The following CHCHD6 variants were observed in gnomAD, a reference collection of about 807,000 sequenced individuals.
CHCHD6 encodes the protein MICOS complex subunit MIC25.
In CHCHD6, 28 loss-of-function variants were observed where a neutral mutation model predicts 32.3. That is an observed-to-expected ratio of 0.87 (90% CI 0.64 to 1.19). The LOEUF (loss-of-function observed/expected upper bound fraction) is 1.19. Ranked by LOEUF, CHCHD6 falls within the 50% of genes most tolerant of loss-of-function variation. The pLI is 0.00. For synonymous variants in CHCHD6, 122 were observed against 117.5 expected (o/e 1.04, Z -0.25); for missense variants, 333 against 307.0 (o/e 1.08, Z -0.63).
chr3:126,937,484 GTGCT>G (rs1459781987), intron 6 of CHCHD6, among the ~76,000 whole-genome samples: 3 of 152,372 alleles, frequency 2.0e-5, no homozygotes, highest in African/African-American at 7.2e-5. Context: ...ATGCCAGACA[GTGCT>G]GGTCTTGGCC....
At chr3:126,811,966 G>A (rs1387822900) in intron 4 of CHCHD6, among the ~76,000 whole-genome samples, 1 of 152,130 alleles carries the variant, frequency 6.6e-6, no homozygotes, top group Non-Finnish European at 1.5e-5. Context: ...GCAGATATTT[G>A]CAAATGAATT....
chr3:126,791,048 G>A (rs970137315), intron 4 of CHCHD6, among the ~76,000 whole-genome samples: 4 of 152,188 alleles, frequency 2.6e-5, no homozygotes, highest in African/African-American at 9.7e-5. Context: ...AACAGTCAGG[G>A]TCCTCAGCTG....
intron 4 of CHCHD6, among the ~76,000 whole-genome samples, chr3:126,753,624 C>T (rs1287365678): frequency 6.6e-6 from 1 of 152,258 alleles, no homozygotes; most frequent in African/African-American, 2.4e-5. Flanking sequence ...TCCTGCCTCT[C>T]TTCTTGCTTC....
Position 126,804,252 on chromosome 3 carries a change from C to T in CHCHD6, c.412-48395C>T, listed in dbSNP as rs1036626888. Among the ~76,000 whole-genome samples the T allele has an allele frequency of 2.6e-5, 4 of 151,864 alleles. No individual in the cohort carries two copies. In the East Asian group the frequency reaches 5.8e-4, roughly 22 times the overall value. ...AGGAAATAGAGACAAAAAAACCCTTCGAAAAATTAATGAATCCAGGAGCTG... is the reference window on the plus strand; with the variant it reads ...AGGAAATAGAGACAAAAAAACCCTTTGAAAAATTAATGAATCCAGGAGCTG... On this transcript the variant is annotated intron_variant, in intron 4 of 7. Transcript: ENST00000290913.
chr3:126,932,287 T>C (rs1477076474), intron 6 of CHCHD6, among the ~76,000 whole-genome samples: 7 of 152,156 alleles, frequency 4.6e-5, no homozygotes. Context: ...CTCAGAATCA[T>C]GGAATAGAGT....
chr3:126,940,832 T>C (rs1007242765), intron 6 of CHCHD6, among the ~76,000 whole-genome samples: 1 of 152,198 alleles, frequency 6.6e-6, no homozygotes, highest in African/African-American at 2.4e-5. Flanking sequence ...CCCTTTCCTA[T>C]ATTATTGGCC....
intron 4 of CHCHD6, among the ~76,000 whole-genome samples, chr3:126,803,980 A>G (rs1241350891): frequency 2.6e-5 from 4 of 152,264 alleles, no homozygotes; most frequent in Non-Finnish European, 5.9e-5. Context: ...ACATAACGAA[A>G]TGAAGGCAGA....
chr3:126,766,979 C>A, intron 4 of CHCHD6: 1 of 907,558 alleles, frequency 1.1e-6, no homozygotes, highest in Non-Finnish European at 1.8e-6. Context: ...GTGTGGTTAG[C>A]GCCACAGGCT....
At chr3:126,945,768 C>T (rs1185005922) in intron 6 of CHCHD6, among the ~76,000 whole-genome samples, 1 of 139,450 alleles carries the variant, frequency 7.2e-6, no homozygotes, top group African/African-American at 2.8e-5. Flanking sequence ...TGGGGAGACT[C>T]GAGCGGGGAC....
chr3:126,744,670 G>C (rs1936418587), intron 4 of CHCHD6, among the ~76,000 whole-genome samples: 2 of 152,104 alleles, frequency 1.3e-5, no homozygotes, highest in Admixed American at 6.6e-5. Context: ...TGCCTCAGAG[G>C]GATCCAATCA....
In CHCHD6 at chr3:126,883,965, G is replaced by C. The variant is rs1231984537; in HGVS notation, c.496-30715G>C. Among the ~76,000 whole-genome samples the C allele has an allele frequency of 2.6e-5, 4 of 151,668 alleles. No homozygotes were observed. The East Asian group carries it at 7.7e-4, about 29-fold the overall frequency. On this transcript the variant is annotated intron_variant, in intron 5 of 7. Transcript: ENST00000290913. ...AGCAAATATTCACTGATGGGTTACA[G>C]ATTTATTTTGTCTTCTGTTCCCATT...
chr3:126,884,380 CAA>C (rs1050177053), intron 5 of CHCHD6, among the ~76,000 whole-genome samples: 2 of 152,114 alleles, frequency 1.3e-5, no homozygotes, highest in Non-Finnish European at 2.9e-5. Flanking sequence ...TTTTGGCAAT[CAA>C]AGAGGGAATT....
chr3:126,941,648 T>C (rs986674308), intron 6 of CHCHD6, among the ~76,000 whole-genome samples: 2 of 152,212 alleles, frequency 1.3e-5, no homozygotes, highest in Admixed American at 1.3e-4. Context: ...TTCAAACCCA[T>C]AGAAAGATTG....
chr3:126,748,265 T>C (rs1168420410), intron 4 of CHCHD6, among the ~76,000 whole-genome samples: 1 of 152,204 alleles, frequency 6.6e-6, no homozygotes, highest in Non-Finnish European at 1.5e-5. Flanking sequence ...ATAATCTTTC[T>C]TCTCAAACTC....
chr3:126,799,043 A>G (rs1296082504), intron 4 of CHCHD6, among the ~76,000 whole-genome samples: 1 of 152,136 alleles, frequency 6.6e-6, no homozygotes, highest in Non-Finnish European at 1.5e-5. Flanking sequence ...ATGGACCCCC[A>G]TGGCTCCTGG....
chr3:126,890,873 G>A (rs2077748656), intron 5 of CHCHD6, among the ~76,000 whole-genome samples: 1 of 152,186 alleles, frequency 6.6e-6, no homozygotes. Context: ...CTTTGGCTGG[G>A]GTTCCCCAGG....
intron 5 of CHCHD6, among the ~76,000 whole-genome samples, chr3:126,862,348 C>A (rs1238770360): frequency 3.0e-5 from 3 of 99,540 alleles, no homozygotes; most frequent in South Asian, 3.9e-4. Context: ...CTCCTCCTCC[C>A]CCACTATCAC....
intron 1 of CHCHD6, among the ~76,000 whole-genome samples, chr3:126,726,648 C>T (rs1935549283): frequency 1.3e-5 from 2 of 152,146 alleles, no homozygotes; most frequent in East Asian, 3.9e-4. Flanking sequence ...GAGCAGCCTT[C>T]CCTGGAGAAG....
At chr3:126,938,395 C>G (rs150238944) in intron 6 of CHCHD6, among the ~76,000 whole-genome samples, 89 of 152,318 alleles carry the variant, frequency 5.8e-4, no homozygotes, top group African/African-American at 2.0e-3. Flanking sequence ...GATACGAGAA[C>G]AAGGCAATGA....
Sources: allele counts gnomAD v4.1 joint callset (sites outside exome capture counted in the v4.1 genomes callset), GRCh38; gene constraint gnomAD v4.1.1; transcripts MANE v1.5; gene names NCBI Gene and HGNC (gene_info 2026-07-23, HGNC 2026-07-21).